USP34: variants seen among roughly 807,000 people sequenced by gnomAD.
The protein encoded by USP34 is ubiquitin specific peptidase 34.
USP34 carries 70 observed loss-of-function variants against 460.3 expected under a neutral mutation model. The ratio of observed to expected loss-of-function variants is 0.15; its 90% CI spans 0.13 to 0.19. The LOEUF is 0.19. Ranked by LOEUF, USP34 falls within the 10% of genes least tolerant of loss-of-function variation. The pLI, the probability that USP34 is intolerant of heterozygous loss-of-function variation, is 1.00. For missense variants in USP34, 3,985 were observed against 4,236.2 expected (o/e 0.94, Z 1.65); for synonymous variants, 1,647 against 1,405.3 (o/e 1.17, Z -3.85).
chr2:61,314,833 C>T, intron 24 of USP34, 42 bp downstream of exon 24: 1 of 1,599,078 alleles, frequency 6.3e-7, no homozygotes, highest in East Asian at 2.2e-5. Context: ...AAAACACCCT[C>T]ACATAGAAAT....
At chr2:61,332,287 G>C (rs1558534252) in intron 19 of USP34, among the ~76,000 whole-genome samples, 1 of 151,956 alleles carries the variant, frequency 6.6e-6, no homozygotes, top group Non-Finnish European at 1.5e-5. Flanking sequence ...ATACATACTA[G>C]ACTCACAATA....
In USP34 at chr2:61,416,820, T is replaced by C. The variant is rs553703196; in HGVS notation, c.131+3926A>G. 4 of 275,058 alleles carry C rather than the reference T, an allele frequency of 1.5e-5. No individual in the cohort carries two copies. In the East Asian group the frequency reaches 2.2e-4, roughly 15 times the overall value. The allele number at this position is 275,058 out of a possible 1,614,324, so 17.0% of individuals were successfully genotyped here. On this transcript the variant is annotated intron_variant, in intron 2 of 79. Coordinates refer to ENST00000398571, the MANE Select transcript of USP34 (RefSeq NM_014709.4). ...ATTAACCTCCCTAATCTTTTTTTTT[T>C]TGGGGGGGGGGACAGGAAGTAGAAT...
In USP34 at chr2:61,459,599, A is replaced by C. The variant is rs148588272; in HGVS notation, c.43+11051T>G. On this transcript the variant is annotated intron_variant, in intron 1 of 79. Transcript: ENST00000398571. ...AAACCAGCCTGGCCAACACGGTGAA[A>C]CCCCGTCTCTACTAAAAATACAAAA... Among the ~76,000 whole-genome samples, 855 of 151,978 alleles carry C rather than the reference A, an allele frequency of 5.6e-3. 8 individuals are homozygous for C. The highest frequency in any genetic ancestry group is 0.019 in the African/African-American group (780 of 41,444).
chr2:61,217,288 A>G (rs571975457), intron 67 of USP34, among the ~76,000 whole-genome samples: 1 of 152,364 alleles, frequency 6.6e-6, no homozygotes, highest in East Asian at 1.9e-4. Flanking sequence ...GCTACAAAAA[A>G]CATTAAGTCT....
At chr2:61,458,325 C>T (rs916809093) in intron 1 of USP34, among the ~76,000 whole-genome samples, 1 of 152,060 alleles carries the variant, frequency 6.6e-6, no homozygotes. Flanking sequence ...CTTTGGGAGG[C>T]AGAGGCAGGC....
intron 23 of USP34, among the ~76,000 whole-genome samples, chr2:61,315,848 A>C (rs1274298391): frequency 6.6e-6 from 1 of 152,204 alleles, no homozygotes; most frequent in African/African-American, 2.4e-5. Flanking sequence ...TTAAAAAGGT[A>C]AACTTATTTC....
intron 27 of USP34, among the ~76,000 whole-genome samples, chr2:61,302,415 G>C (rs1690257695): frequency 6.6e-6 from 1 of 152,078 alleles, no homozygotes; most frequent in African/African-American, 2.4e-5. Context: ...GAGTCATATT[G>C]GCAATTTGCC....
chr2:61,303,742 G>A (rs1426425465), intron 27 of USP34, among the ~76,000 whole-genome samples: 4 of 151,768 alleles, frequency 2.6e-5, no homozygotes, highest in Non-Finnish European at 5.9e-5. Flanking sequence ...GACTACAGGC[G>A]CCTGCCACCA....
At chr2:61,417,007 G>C (rs1159743555) in intron 2 of USP34, 4 of 1,325,886 alleles carry the variant, frequency 3.0e-6, no homozygotes, top group East Asian at 4.6e-5. Flanking sequence ...ATTGAACTTG[G>C]TGAAGCCCCA....
At chr2:61,218,711 C>A (rs535832445) in intron 67 of USP34, among the ~76,000 whole-genome samples, 1 of 152,020 alleles carries the variant, frequency 6.6e-6, no homozygotes, top group South Asian at 2.1e-4. Context: ...GAATACTGGT[C>A]GGGTATTTCA....
intron 29 of USP34, among the ~76,000 whole-genome samples, chr2:61,300,525 C>T (rs893561003): frequency 3.3e-5 from 5 of 149,464 alleles, no homozygotes; most frequent in Non-Finnish European, 7.4e-5. Flanking sequence ...GGGCCAGGCA[C>T]GGTGGCTCAT....
At chr2:61,309,759 G>A (rs1025614376) in intron 27 of USP34, among the ~76,000 whole-genome samples, 4 of 152,172 alleles carry the variant, frequency 2.6e-5, no homozygotes, top group Non-Finnish European at 5.9e-5. Context: ...CAAATTCTAT[G>A]AAGATACTAC....
intron 1 of USP34, among the ~76,000 whole-genome samples, chr2:61,423,249 G>A (rs947655347): frequency 6.6e-6 from 1 of 152,072 alleles, no homozygotes; most frequent in East Asian, 1.9e-4. Flanking sequence ...GAGTAGCTGG[G>A]ATTACAGGTG....
Position 61,301,417 on chromosome 2 carries a change from T to C in USP34, c.3855A>G (p.Gly1285=). Residue 1285 remains glycine, a synonymous_variant, in exon 28 of 80, where the codon GGA becomes GGG. Coordinates refer to ENST00000398571, the MANE Select transcript of USP34 (RefSeq NM_014709.4). Reference sequence around the variant, plus strand: ...CATCATAATCTGTTGTTAACTCGTGTCCAGATGAAATCATCCTGACAGGTC... The same window carrying C: ...CATCATAATCTGTTGTTAACTCGTGCCCAGATGAAATCATCCTGACAGGTC... ...LMGPVRMISS[G]HELTTDYDEK... 1 of 1,614,016 alleles carries C rather than the reference T, an allele frequency of 6.2e-7. No homozygotes were observed. Among genetic ancestry groups the C allele is most frequent in the Non-Finnish European group, 8.5e-7 (1 of 1,179,982 alleles).
intron 1 of USP34, among the ~76,000 whole-genome samples, chr2:61,464,011 T>C (rs1695684999): frequency 6.6e-6 from 1 of 152,106 alleles, no homozygotes; most frequent in African/African-American, 2.4e-5. Context: ...GCAAAGCATG[T>C]AAAGTACTTA....
intron 57 of USP34, 33 bp from the exon 58 acceptor site, chr2:61,232,565 T>C (rs368791761): frequency 2.6e-6 from 4 of 1,512,546 alleles, no homozygotes; most frequent in Non-Finnish European, 3.6e-6. Flanking sequence ...GACTTTAACA[T>C]TCAACAAATA....
intron 1 of USP34, among the ~76,000 whole-genome samples, chr2:61,430,242 A>C (rs1295354201): frequency 1.3e-5 from 2 of 151,696 alleles, no homozygotes; most frequent in Admixed American, 1.3e-4. Context: ...AAAAGAAAAA[A>C]AAAATACAAA....
intron 43 of USP34, among the ~76,000 whole-genome samples, chr2:61,262,823 C>G (rs1473860783): frequency 1.3e-5 from 2 of 152,210 alleles, no homozygotes; most frequent in Non-Finnish European, 2.9e-5. Context: ...ATTCCCTTTT[C>G]TTTACAACAT....
At chr2:61,258,365 C>T (rs1688777815) in intron 44 of USP34, among the ~76,000 whole-genome samples, 1 of 152,106 alleles carries the variant, frequency 6.6e-6, no homozygotes, top group Non-Finnish European at 1.5e-5. Flanking sequence ...AAGTATGACA[C>T]AATCCCTGTC....
Sources: gnomAD v4.1 joint callset for allele counts (sites outside exome capture counted in the v4.1 genomes callset) on GRCh38, gnomAD v4.1.1 for gene constraint, MANE v1.5 for transcripts, NCBI Gene and HGNC (gene_info 2026-07-23, HGNC 2026-07-21) for gene names.